ARHGEF7: variants seen among roughly 807,000 people sequenced by gnomAD.
The protein encoded by ARHGEF7 is PAK-interacting exchange factor beta.
In ARHGEF7, 33 loss-of-function variants were observed where a neutral mutation model predicts 109.8. The observed-to-expected ratio is 0.30, with a 90% CI of 0.23 to 0.40. The LOEUF (loss-of-function observed/expected upper bound fraction) is 0.40. Ranked by LOEUF, ARHGEF7 falls within the 10% of genes least tolerant of loss-of-function variation. The pLI is 1.00. For missense variants in ARHGEF7, 938 were observed against 1,098.5 expected, an observed-to-expected ratio of 0.85 and a Z score of 2.07; for synonymous variants, 458 against 424.6, an observed-to-expected ratio of 1.08 and a Z score of -0.97.
At chr13:111,146,754 T>C (rs970971681) in intron 1 of ARHGEF7, among the ~76,000 whole-genome samples, 7 of 152,188 alleles carry the variant, frequency 4.6e-5, no homozygotes, top group Admixed American at 1.3e-4. Flanking sequence ...AGGGTGGAGA[T>C]GATTGTTCCT....
chr13:111,172,849 G>GT (rs1216595815), intron 2 of ARHGEF7, among the ~76,000 whole-genome samples: 2 of 152,182 alleles, frequency 1.3e-5, no homozygotes, highest in Non-Finnish European at 2.9e-5. Context: ...AGGCATAGCT[G>GT]TTTTCTAGTC....
intron 18 of ARHGEF7, among the ~76,000 whole-genome samples, chr13:111,291,814 CT>C (rs2153626773): frequency 6.6e-6 from 1 of 152,204 alleles, no homozygotes; most frequent in Non-Finnish European, 1.5e-5. Flanking sequence ...TAAAAGATTT[CT>C]TAAATGAGGG....
At chr13:111,292,961 T>C (rs1158087253) in intron 19 of ARHGEF7, 2 of 985,712 alleles carry the variant, frequency 2.0e-6, no homozygotes, top group Admixed American at 6.1e-5. Flanking sequence ...TGTGCTCTTC[T>C]GTGTGCTGCG....
intron 2 of ARHGEF7, among the ~76,000 whole-genome samples, chr13:111,185,705 T>C (rs541168094): frequency 1.3e-5 from 2 of 152,368 alleles, no homozygotes; most frequent in Admixed American, 6.5e-5. Flanking sequence ...CATGTGCTCC[T>C]AGCAGTCGAA....
chr13:111,241,355 T>G (rs1454755044), intron 6 of ARHGEF7: 1 of 1,535,864 alleles, frequency 6.5e-7, no homozygotes, highest in Admixed American at 2.0e-5. Flanking sequence ...CACCCCCGGC[T>G]GCGCCCCGAG....
chr13:111,233,605 T>C (rs1217591926), intron 6 of ARHGEF7, among the ~76,000 whole-genome samples: 2 of 152,346 alleles, frequency 1.3e-5, no homozygotes, highest in Admixed American at 1.3e-4. Flanking sequence ...AAATGTATAA[T>C]GTGATTTGAA....
At chr13:111,153,851 C>T (rs1472337177) in intron 1 of ARHGEF7, 54 bp from the exon 2 acceptor site, 2 of 1,571,424 alleles carry the variant, frequency 1.3e-6, no homozygotes, top group Admixed American at 3.6e-5. Flanking sequence ...CGGCCTTGTC[C>T]GCGGCGTCCC....
Position 111,153,913 on chromosome 13 carries a change from C to T in ARHGEF7, c.174C>T (p.Pro58=), listed in dbSNP as rs150538221. ...TGTGCTCTGTATTGCAGGTCTACCC[C>T]GAGCCCCGGAGCGAGAGCGAGTGCC... The part of the protein sequence containing the change: ...LLPGTIEKVY[P]EPRSESECLS... Residue 58 remains proline (P), a synonymous_variant, in exon 2 of 22, where the codon CCC becomes CCT. Transcript: ENST00000646102. 6.9e-6 allele frequency: 11 copies of T among 1,605,040 alleles called. No individual in the cohort carries two copies. The Admixed American group carries it at 1.0e-4, about 15-fold the overall frequency.
At chr13:111,174,365 A>C (rs376594939) in intron 2 of ARHGEF7, among the ~76,000 whole-genome samples, 1 of 152,192 alleles carries the variant, frequency 6.6e-6, no homozygotes, top group Non-Finnish European at 1.5e-5. Context: ...TGGCATCTTC[A>C]TGTCTTCCGA....
At chr13:111,175,214 G>A (rs1224044678) in intron 2 of ARHGEF7, among the ~76,000 whole-genome samples, 2 of 152,232 alleles carry the variant, frequency 1.3e-5, no homozygotes, top group East Asian at 1.9e-4. Flanking sequence ...TGCACTGAGG[G>A]CCCCTGTGGG....
intron 1 of ARHGEF7, among the ~76,000 whole-genome samples, chr13:111,152,236 T>G (rs1186620306): frequency 6.7e-6 from 1 of 150,090 alleles, no homozygotes; most frequent in Non-Finnish European, 1.5e-5. Context: ...GTATTATGTT[T>G]CTATTACACT....
intron 18 of ARHGEF7, 22 bp downstream of exon 18, chr13:111,288,465 G>C: frequency 6.3e-7 from 1 of 1,577,828 alleles, no homozygotes; most frequent in East Asian, 2.2e-5. Flanking sequence ...AATAAGGCCT[G>C]GGAAGTGTGG....
intron 18 of ARHGEF7, 141 bp from the exon 19 acceptor site, chr13:111,291,977 C>A (rs1595584411): frequency 1.4e-6 from 1 of 696,966 alleles, no homozygotes. Context: ...TGCATTGTTG[C>A]CAATTTTTAA....
chr13:111,257,507 TAGGG>T (rs1486660284), intron 8 of ARHGEF7, among the ~76,000 whole-genome samples: 2 of 152,358 alleles, frequency 1.3e-5, no homozygotes, highest in Non-Finnish European at 2.9e-5. Flanking sequence ...CCTAAGATAA[TAGGG>T]AGGAGGTGGA....
intron 18 of ARHGEF7, among the ~76,000 whole-genome samples, chr13:111,289,745 T>G (rs941207572): frequency 1.3e-5 from 2 of 151,102 alleles, no homozygotes; most frequent in Non-Finnish European, 3.0e-5. Context: ...GCTGTGAAGA[T>G]AGGATGAGCA....
At chr13:111,246,524 A>G (rs1442511815) in intron 8 of ARHGEF7, among the ~76,000 whole-genome samples, 2 of 152,236 alleles carry the variant, frequency 1.3e-5, no homozygotes, top group East Asian at 3.8e-4. Flanking sequence ...TATGGCAAGG[A>G]AAGCTGAATG....
At chr13:111,236,286 T>A (rs2086813467) in intron 6 of ARHGEF7, among the ~76,000 whole-genome samples, 1 of 152,268 alleles carries the variant, frequency 6.6e-6, no homozygotes, top group Non-Finnish European at 1.5e-5. Flanking sequence ...TAACAGCTGC[T>A]TTGAAACCTT....
chr13:111,193,270 TA>T (rs1303259843), intron 2 of ARHGEF7, among the ~76,000 whole-genome samples: 1 of 152,218 alleles, frequency 6.6e-6, no homozygotes, highest in Non-Finnish European at 1.5e-5. Context: ...TACTGGGGCT[TA>T]ATCTCTTGGA....
chr13:111,266,983 A>G lies in ARHGEF7; in HGVS notation c.951-565A>G, dbSNP rs2091702034. 15 of 449,054 alleles carry G rather than the reference A, an allele frequency of 3.3e-5. No individual in the cohort carries two copies. Among genetic ancestry groups the G allele is most frequent in the South Asian group, 2.3e-4 (15 of 64,334 alleles). The allele number at this position is 449,054 out of a possible 1,614,324, so 27.8% of individuals were successfully genotyped here. ...TGTGCCGACTTGTCACCCCTCATGC[A>G]GCTTCCAGTGCTGGTTCTGGTAGTC... On this transcript the variant is annotated intron_variant, in intron 8 of 21. Transcript: ENST00000646102. This position sits in a 1 kb window ranked among gnomAD's most constrained non-coding sequence, Gnocchi z 4.8.
Sources: gnomAD v4.1 joint callset for allele counts (sites outside exome capture counted in the v4.1 genomes callset) on GRCh38, gnomAD v4.1.1 for gene constraint, Gnocchi (gnomAD v3.1) non-coding constraint, MANE v1.5 for transcripts, NCBI Gene and HGNC (gene_info 2026-07-23, HGNC 2026-07-21) for gene names.